SORCS1: variants seen among roughly 807,000 people sequenced by gnomAD.
SORCS1 encodes sortilin related VPS10 domain containing receptor 1.
A neutral mutation model predicts 146.1 loss-of-function variants in SORCS1; 60 were observed. That is an observed-to-expected ratio of 0.41 (90% CI 0.33 to 0.51). SORCS1 has a LOEUF of 0.51. Ranked by LOEUF, SORCS1 falls within the 20% of genes least tolerant of loss-of-function variation. SORCS1 has a pLI of 0.21. For synonymous variants in SORCS1, 637 were observed against 584.0 expected (o/e 1.09, Z -1.31); for missense variants, 1,352 against 1,487.6 (o/e 0.91, Z 1.50).
intron 18 of SORCS1, among the ~76,000 whole-genome samples, chr10:106,634,054 G>A (rs1164924734): frequency 1.3e-5 from 2 of 152,160 alleles, no homozygotes; most frequent in Non-Finnish European, 2.9e-5. Flanking sequence ...GCTTTACCAG[G>A]AAGCTTTAGG....
At chr10:106,668,262 A>G (rs1851325056) in intron 16 of SORCS1, among the ~76,000 whole-genome samples, 1 of 152,206 alleles carries the variant, frequency 6.6e-6, no homozygotes. Context: ...GGATCTACCA[A>G]GAGAACTGAG....
intron 1 of SORCS1, among the ~76,000 whole-genome samples, chr10:106,984,383 T>C (rs1200820687): frequency 2.7e-5 from 4 of 150,130 alleles, no homozygotes; most frequent in African/African-American, 7.4e-5. Context: ...AGAAATTAAA[T>C]AGTGATTTCC....
intron 2 of SORCS1, among the ~76,000 whole-genome samples, chr10:106,868,394 A>G (rs1950295709): frequency 6.6e-6 from 1 of 152,190 alleles, no homozygotes; most frequent in African/African-American, 2.4e-5. Flanking sequence ...CAGAATATAC[A>G]TTCTTCTCAT....
At chr10:107,019,796 G>A (rs972379768) in intron 1 of SORCS1, among the ~76,000 whole-genome samples, 1 of 152,234 alleles carries the variant, frequency 6.6e-6, no homozygotes, top group East Asian at 1.9e-4. Flanking sequence ...GCCCATTGGG[G>A]CATGACTATC....
chr10:106,912,369 T>TA lies in SORCS1; in HGVS notation c.626+44143dup, dbSNP rs1589689799. On this transcript the variant is annotated intron_variant, in intron 2 of 25. Coordinates refer to ENST00000263054, the MANE Select transcript of SORCS1 (RefSeq NM_052918.5). The stretch of plus-strand genomic sequence containing the variant: ...ACAGTCCACCTGTACCGCTTTTTTT[T>TA]ACGAGATGATCCTTTTATTTCTTAC... Among the ~76,000 whole-genome samples, 3 of 152,300 alleles carry TA rather than the reference T, an allele frequency of 2.0e-5. No homozygotes were observed. In the East Asian group the frequency reaches 5.8e-4, roughly 29 times the overall value.
chr10:107,124,904 C>T (rs1966615183), intron 1 of SORCS1, among the ~76,000 whole-genome samples: 2 of 151,920 alleles, frequency 1.3e-5, no homozygotes, highest in Non-Finnish European at 2.9e-5. Context: ...TGAATTCTAC[C>T]TCACTGCCCA....
At chr10:107,117,388 C>T (rs1332776982) in intron 1 of SORCS1, among the ~76,000 whole-genome samples, 1 of 152,080 alleles carries the variant, frequency 6.6e-6, no homozygotes, top group East Asian at 1.9e-4. Context: ...ACCATCAGGA[C>T]TGCTTTCTCA....
intron 2 of SORCS1, among the ~76,000 whole-genome samples, chr10:106,894,414 T>C (rs1951383323): frequency 6.6e-6 from 1 of 152,018 alleles, no homozygotes; most frequent in Non-Finnish European, 1.5e-5. Flanking sequence ...TTAGTTCCAA[T>C]CCATGTTGAC....
chr10:107,051,341 T>C (rs1960096322), intron 1 of SORCS1, among the ~76,000 whole-genome samples: 2 of 152,104 alleles, frequency 1.3e-5, no homozygotes, highest in African/African-American at 4.8e-5. Flanking sequence ...AGATGAGCAA[T>C]TGTCCAGGCT....
At chr10:106,717,198 A>G (rs1855436352) in intron 6 of SORCS1, among the ~76,000 whole-genome samples, 1 of 152,266 alleles carries the variant, frequency 6.6e-6, no homozygotes, top group Admixed American at 6.5e-5. Flanking sequence ...CAGATTTTAA[A>G]GCCCATACAA....
intron 3 of SORCS1, among the ~76,000 whole-genome samples, chr10:106,816,035 C>A (rs541747541): frequency 6.6e-6 from 1 of 152,216 alleles, no homozygotes; most frequent in African/African-American, 2.4e-5. Context: ...TCTTTTTGGG[C>A]CACTGTGTTT....
In SORCS1 at chr10:106,679,652, G is replaced by A; in HGVS notation, c.1643C>T (p.Pro548Leu). 1 of 1,612,252 alleles carries A rather than the reference G, an allele frequency of 6.2e-7. No individual in the cohort carries two copies. The highest frequency in any genetic ancestry group is 8.5e-7 in the Non-Finnish European group (1 of 1,179,100). The change falls in exon 11 of 26, where the codon CCA (proline) becomes CTA (leucine). Residue 548 changes from proline (P) to leucine (L), a missense_variant. Physicochemically the swap from Pro to Leu is moderately conservative, Grantham distance 98. Transcript: ENST00000263054. ...CTTACCTGATGCCACTATGATGCTT[G>A]GAGCTGTGTCTTTGCTGGCAATGAT... ...SGIIASKDTAPSIIVASGNIG... is the reference protein window; with the variant it reads ...SGIIASKDTALSIIVASGNIG...
At position 107,160,237 on chromosome 10, in the gene SORCS1, G is replaced by A. The variant is rs138882153; in HGVS notation, c.558+3732C>T. ...AACTCCAAAAGGTCTGAGTTTTTCC[G>A]TCCTACTTTAAAGTCCATTGAACAA... On this transcript the variant is annotated intron_variant, in intron 1 of 25. Coordinates refer to ENST00000263054, the MANE Select transcript of SORCS1 (RefSeq NM_052918.5). Among the ~76,000 whole-genome samples, 9 of 152,248 alleles carry A rather than the reference G, an allele frequency of 5.9e-5. No individual in the cohort carries two copies. In the East Asian group the frequency reaches 1.2e-3, roughly 20 times the overall value.
intron 2 of SORCS1, among the ~76,000 whole-genome samples, chr10:106,884,944 C>A (rs1188740444): frequency 2.0e-5 from 3 of 152,114 alleles, no homozygotes; most frequent in African/African-American, 7.2e-5. Flanking sequence ...AGGGCCTAAA[C>A]TTTTACTGAA....
intron 2 of SORCS1, among the ~76,000 whole-genome samples, chr10:106,904,561 T>A (rs182882115): frequency 1.3e-5 from 2 of 152,294 alleles, no homozygotes; most frequent in East Asian, 3.9e-4. Flanking sequence ...TTGGGATAGA[T>A]CATTAACTGT....
chr10:106,602,096 A>G (rs1023667795), intron 23 of SORCS1, among the ~76,000 whole-genome samples: 6 of 152,370 alleles, frequency 3.9e-5, no homozygotes, highest in Middle Eastern at 6.8e-3. Flanking sequence ...TTTTAAGGAC[A>G]GTAGAGTAGT....
At chr10:107,031,047 A>C (rs574008822) in intron 1 of SORCS1, among the ~76,000 whole-genome samples, 1 of 152,314 alleles carries the variant, frequency 6.6e-6, no homozygotes, top group African/African-American at 2.4e-5. Context: ...CTTTTCTCAG[A>C]AACTGGTTTG....
chr10:107,093,890 T>G (rs1964375586), intron 1 of SORCS1, among the ~76,000 whole-genome samples: 1 of 152,154 alleles, frequency 6.6e-6, no homozygotes, highest in Non-Finnish European at 1.5e-5. Context: ...TGCTCTTTCT[T>G]GAACACAGTG....
intron 24 of SORCS1, among the ~76,000 whole-genome samples, chr10:106,584,120 T>A (rs1845082954): frequency 6.6e-6 from 1 of 152,178 alleles, no homozygotes; most frequent in Admixed American, 6.5e-5. Flanking sequence ...GCTTTGAATA[T>A]CACAAAATCC....
Sources: gnomAD v4.1 joint callset for allele counts (sites outside exome capture counted in the v4.1 genomes callset) on GRCh38, gnomAD v4.1.1 for gene constraint, MANE v1.5 for transcripts, NCBI Gene and HGNC (gene_info 2026-07-23, HGNC 2026-07-21) for gene names.